The following CC2D2A variants were observed in gnomAD, a reference collection of about 807,000 sequenced individuals.
CC2D2A encodes the protein coiled-coil and C2 domain containing 2A.
A neutral mutation model predicts 212.9 loss-of-function variants in CC2D2A; 155 were observed. The observed-to-expected ratio is 0.73, with a 90% CI of 0.64 to 0.83. CC2D2A has a LOEUF of 0.83. CC2D2A is among the 40% of genes least tolerant of loss of function. The probability of loss-of-function intolerance (pLI) is 0.00; values close to 1 mark genes in which losing one functional copy is unlikely to be tolerated. For synonymous variants in CC2D2A, 667 were observed against 686.5 expected (o/e 0.97, Z 0.44); for missense variants, 1,856 against 1,956.2 (o/e 0.95, Z 0.97).
intron 1 of CC2D2A, among the ~76,000 whole-genome samples, chr4:15,470,690 T>TCTATATATATA (rs1713731935): frequency 7.0e-5 from 2 of 28,632 alleles, no homozygotes; most frequent in Admixed American, 4.6e-4. Flanking sequence ...TCTCTCTCTC[T>TCTATATATATA]ATATATATAT....
At chr4:15,592,918 A>AT (rs1452178430) in intron 33 of CC2D2A, among the ~76,000 whole-genome samples, 1 of 152,160 alleles carries the variant, frequency 6.6e-6, no homozygotes, top group Non-Finnish European at 1.5e-5. Flanking sequence ...ACTTATCCTG[A>AT]TTCAAACCCT....
At chr4:15,598,970 G>C (rs1329984265) in intron 35 of CC2D2A, among the ~76,000 whole-genome samples, 1 of 152,002 alleles carries the variant, frequency 6.6e-6, no homozygotes, top group Non-Finnish European at 1.5e-5. Context: ...GACCAGCCTG[G>C]GCAACATAGC....
At chr4:15,504,769 C>A (rs1224680144) in intron 6 of CC2D2A, among the ~76,000 whole-genome samples, 1 of 152,184 alleles carries the variant, frequency 6.6e-6, no homozygotes, top group African/African-American at 2.4e-5. Flanking sequence ...CAAACATCAA[C>A]TGCTTTGTCT....
chr4:15,490,644 A>G (rs55771364), intron 4 of CC2D2A, among the ~76,000 whole-genome samples: 9,927 of 152,146 alleles, frequency 0.065, 413 homozygotes, highest in South Asian at 0.11. Flanking sequence ...TTATGTTTTC[A>G]TTTCTTTTTG....
chr4:15,547,032 C>T (rs913172608), intron 17 of CC2D2A, among the ~76,000 whole-genome samples: 1 of 152,010 alleles, frequency 6.6e-6, no homozygotes, highest in Admixed American at 6.5e-5. Context: ...ATCTTCCTTG[C>T]TTTATTTCTC....
chr4:15,496,650 A>G (rs1715632832), intron 4 of CC2D2A, among the ~76,000 whole-genome samples: 1 of 152,176 alleles, frequency 6.6e-6, no homozygotes, highest in Admixed American at 6.5e-5. Context: ...TATACACACA[A>G]AGGAATATAA....
At chr4:15,483,329 T>A (rs1468425799) in intron 4 of CC2D2A, among the ~76,000 whole-genome samples, 8 of 152,166 alleles carry the variant, frequency 5.3e-5, no homozygotes, top group African/African-American at 1.9e-4. Context: ...GGAGTCTGCA[T>A]GGGGAACTGT....
intron 34 of CC2D2A, 124 bp downstream of exon 34, chr4:15,596,331 G>A (rs888933048): frequency 2.6e-6 from 2 of 780,078 alleles, no homozygotes; most frequent in Non-Finnish European, 3.6e-6. Context: ...ACGCATCTGA[G>A]CTCAACTCAC....
chr4:15,584,390 C>T (rs1426951361), intron 30 of CC2D2A, among the ~76,000 whole-genome samples: 1 of 152,062 alleles, frequency 6.6e-6, no homozygotes. Flanking sequence ...ACCAAGAACA[C>T]ACATTGGGAA....
intron 24 of CC2D2A, among the ~76,000 whole-genome samples, chr4:15,565,399 GT>G (rs11445564): frequency 0.13 from 17,531 of 140,146 alleles, 883 homozygotes; most frequent in Non-Finnish European, 0.15. Flanking sequence ...TCCACATACG[GT>G]TTTTTTTTTT....
chr4:15,550,939 G>T lies in CC2D2A; in HGVS notation c.2297G>T (p.Ser766Ile). The change falls in exon 18 of 37, where the codon AGT (serine) becomes ATT (isoleucine). Residue 766 changes from serine to isoleucine, a missense_variant. Ser to Ile is a moderately radical substitution (Grantham distance 142). Transcript: ENST00000424120. Reference protein sequence around the residue: ...RAPTEEVEFSSNQHVTLDHEG... With the variant: ...RAPTEEVEFSINQHVTLDHEG... ...CCTACTGAAGAAGTGGAGTTTAGCAGTAATCAGCATGTGACACTGGACCAC... is the reference window on the plus strand; with the variant it reads ...CCTACTGAAGAAGTGGAGTTTAGCATTAATCAGCATGTGACACTGGACCAC... 1 of 1,607,188 alleles carries T rather than the reference G, an allele frequency of 6.2e-7. No homozygotes were observed. Among genetic ancestry groups the T allele is most frequent in the South Asian group, 1.1e-5 (1 of 90,632 alleles).
intron 18 of CC2D2A, 133 bp from the exon 19 acceptor site, chr4:15,553,025 C>A: frequency 1.4e-6 from 1 of 690,660 alleles, no homozygotes; most frequent in Non-Finnish European, 2.2e-6. Context: ...GTGACACTGG[C>A]TTGAATCATG....
chr4:15,489,593 C>CA (rs1190513896), intron 4 of CC2D2A, among the ~76,000 whole-genome samples: 1 of 152,116 alleles, frequency 6.6e-6, no homozygotes, highest in Admixed American at 6.5e-5. Context: ...AGCGAACAAA[C>CA]AAAAAAATAA....
intron 29 of CC2D2A, among the ~76,000 whole-genome samples, 172 bp downstream of exon 29, chr4:15,574,498 G>T (rs1316602264): frequency 2.0e-5 from 3 of 152,026 alleles, no homozygotes; most frequent in Admixed American, 2.0e-4. Flanking sequence ...CAGATGTGTG[G>T]GTTTGTACTT....
chr4:15,475,608 GC>G (rs1284791475), intron 1 of CC2D2A, among the ~76,000 whole-genome samples: 2 of 152,170 alleles, frequency 1.3e-5, no homozygotes, highest in East Asian at 3.9e-4. Flanking sequence ...GGCAGAGAGT[GC>G]AGAGGGGCAG....
chr4:15,537,800 G>C lies in CC2D2A; in HGVS notation c.1765-99G>C. On this transcript the variant is annotated intron_variant, in intron 15 of 36. Transcript: ENST00000424120. ...ATTACACACTTCTGGTTGAAATGGGGCTGGGGTTTGTATCCAGGTCCATCT... is the reference window on the plus strand; with the variant it reads ...ATTACACACTTCTGGTTGAAATGGGCCTGGGGTTTGTATCCAGGTCCATCT... 6 of 1,261,220 alleles carry C rather than the reference G, an allele frequency of 4.8e-6. No homozygotes were observed. The South Asian group carries it at 8.7e-5, about 18-fold the overall frequency. 78.1% of individuals were successfully genotyped at this position (1,261,220 alleles called of 1,614,324 possible). A position where few individuals can be genotyped will look rare whatever the true frequency, so the allele number is the denominator to read the frequency against.
chr4:15,554,861 T>C (rs1719198834), intron 19 of CC2D2A, among the ~76,000 whole-genome samples: 1 of 152,242 alleles, frequency 6.6e-6, no homozygotes. Context: ...ATTAGTCATA[T>C]CTGCAGTCCT....
chr4:15,556,500 C>A (rs1213539173), intron 20 of CC2D2A, among the ~76,000 whole-genome samples: 1 of 152,174 alleles, frequency 6.6e-6, no homozygotes, highest in Non-Finnish European at 1.5e-5. Context: ...ACGTCACTTT[C>A]ATTATTTTCT....
chr4:15,547,377 C>A (rs1254537765), intron 17 of CC2D2A, among the ~76,000 whole-genome samples: 1 of 152,060 alleles, frequency 6.6e-6, no homozygotes, highest in African/African-American at 2.4e-5. Context: ...CTATAGTAAC[C>A]CTACTGTGCT....
Sources: gnomAD v4.1 joint callset for allele counts (sites outside exome capture counted in the v4.1 genomes callset) on GRCh38, gnomAD v4.1.1 for gene constraint, MANE v1.5 for transcripts, NCBI Gene and HGNC (gene_info 2026-07-23, HGNC 2026-07-21) for gene names.